The following TLE5 variants were observed in gnomAD, a reference collection of about 807,000 sequenced individuals.
TLE5 encodes the protein TLE family member 5.
Under a neutral mutation model 25.8 loss-of-function variants are expected in TLE5, and 7 were observed. The observed-to-expected ratio is 0.27, with a 90% CI of 0.15 to 0.51. The LOEUF is 0.51. Among genes scored for constraint, TLE5 ranks in the 20% least tolerant of loss-of-function variants. The pLI is 0.97. For missense variants in TLE5, 149 were observed against 250.7 expected (o/e 0.59, Z 2.74); for synonymous variants, 132 against 110.5 (o/e 1.20, Z -1.22).
chr19:3,062,681 C>A, upstream of TLE5: 1 of 1,412,168 alleles, frequency 7.1e-7, no homozygotes. Context: ...GGGCAGCGGC[C>A]CCCGCCACCC....
At chr19:3,055,884 C>G (rs757142027) in intron 4 of TLE5, 158 bp from the exon 5 acceptor site, 1 of 714,040 alleles carries the variant, frequency 1.4e-6, no homozygotes, top group African/African-American at 1.8e-5. Flanking sequence ...CGTGTTCGGG[C>G]CCGAGGGCAG....
chr19:3,060,328 CTTTTTT>C (rs990199468), intron 2 of TLE5, among the ~76,000 whole-genome samples: 21 of 93,196 alleles, frequency 2.3e-4, no homozygotes, highest in South Asian at 6.9e-4. Context: ...TTTTTTCTTT[CTTTTTT>C]TTTTTTTTTT....
At chr19:3,062,881 G>T, upstream of TLE5, 1 of 1,419,464 alleles carries the variant, frequency 7.0e-7, no homozygotes, top group Non-Finnish European at 9.7e-7. Context: ...CTGCAGAAAG[G>T]CAGCGGTAAT....
chr19:3,057,448 G>A (rs2090228952), intron 3 of TLE5: 3 of 550,858 alleles, frequency 5.4e-6, no homozygotes, highest in Admixed American at 6.3e-5. Flanking sequence ...ACCTGGCAGG[G>A]CCGGTCTGCA....
At chr19:3,058,305 C>T (rs921504971) in intron 2 of TLE5, among the ~76,000 whole-genome samples, 1 of 152,160 alleles carries the variant, frequency 6.6e-6, no homozygotes, top group East Asian at 1.9e-4. Flanking sequence ...AGGCCCGCAA[C>T]GTCATTGTCA....
At chr19:3,061,080 C>A (rs2145266315) in intron 2 of TLE5, 80 bp downstream of exon 2, 2 of 1,037,172 alleles carry the variant, frequency 1.9e-6, no homozygotes, top group East Asian at 4.8e-5. Context: ...AATCTCCAGG[C>A]CTCAGCCTTG....
At chr19:3,054,086 T>TCCGGGGGGGCCCCC in intron 6 of TLE5, 34 bp downstream of exon 6, 3 of 1,512,802 alleles carry the variant, frequency 2.0e-6, no homozygotes, top group African/African-American at 1.4e-5. Context: ...GGCCCACCTG[T>TCCGGGGGGGCCCCC]CCCCCGCCCA....
intron 4 of TLE5, 24 bp downstream of exon 4, chr19:3,056,288 A>G: frequency 6.9e-7 from 1 of 1,440,004 alleles, no homozygotes; most frequent in Non-Finnish European, 9.2e-7. Context: ...GAGGAGGAGG[A>G]GGAGGAGGAG....
intron 2 of TLE5, 57 bp from the exon 3 acceptor site, chr19:3,057,799 C>A (rs949726839): frequency 1.3e-6 from 2 of 1,536,562 alleles, no homozygotes. Context: ...GGGAGCCCCC[C>A]ACCCTCCGTT....
At chr19:3,055,448 T>C (rs548732578) in intron 5 of TLE5, 14 of 390,098 alleles carry the variant, frequency 3.6e-5, no homozygotes, top group African/African-American at 2.7e-4. Flanking sequence ...CAGAGCAGGG[T>C]GAGGCCCGCC....
chr19:3,059,089 G>A (rs1185438686), intron 2 of TLE5, among the ~76,000 whole-genome samples: 2 of 152,308 alleles, frequency 1.3e-5, no homozygotes, highest in East Asian at 1.9e-4. Flanking sequence ...TGGATCTTAG[G>A]ATACCCCAGG....
At chr19:3,060,301 T>A (rs1044707460) in intron 2 of TLE5, among the ~76,000 whole-genome samples, 1 of 150,332 alleles carries the variant, frequency 6.7e-6, no homozygotes, top group Non-Finnish European at 1.5e-5. Flanking sequence ...TCATAACATC[T>A]CTGGGCTTAA....
upstream of TLE5, chr19:3,062,546 TG>T: frequency 9.8e-6 from 7 of 712,604 alleles, no homozygotes; most frequent in Non-Finnish European, 1.2e-5. Flanking sequence ...CCGCCGCCCG[TG>T]CCCCGTGCGC....
chr19:3,062,796 A>C, upstream of TLE5: 1 of 1,550,122 alleles, frequency 6.5e-7, no homozygotes, highest in South Asian at 1.2e-5. Flanking sequence ...CACGACCTGG[A>C]CGCGTGCCAC....
chr19:3,055,904 G>A (rs2090213045), intron 4 of TLE5, 178 bp from the exon 5 acceptor site: 3 of 594,720 alleles, frequency 5.0e-6, no homozygotes, highest in Middle Eastern at 4.3e-4. Context: ...GCCAGTCAGT[G>A]GCAAAGGTGG....
intron 2 of TLE5, 161 bp downstream of exon 2, chr19:3,060,999 G>A: frequency 1.8e-6 from 1 of 549,456 alleles, no homozygotes. Context: ...TACAAAATGG[G>A]GCTGTTTAAA....
At position 3,062,489 on chromosome 19, in the gene TLE5, C is replaced by G. The variant is rs925509795; in HGVS notation, c.-289G>C. 4.5e-5 allele frequency: 28 copies of G among 623,400 alleles called. No individual in the cohort carries two copies. In the South Asian group the frequency reaches 1.8e-3, roughly 40 times the overall value. 38.6% of individuals were successfully genotyped at this position (623,400 alleles called of 1,614,324 possible). On this transcript the variant is annotated 5_prime_UTR_variant, in exon 1 of 7. Transcript: ENST00000327141. ...CGCTATTGTCTAATGGCGGCGACGC[C>G]GGCAGTGGCCGCGGCTCGGCTGCTG...
At chr19:3,057,795 C>T (rs991989729) in intron 2 of TLE5, 53 bp from the exon 3 acceptor site, 2 of 1,549,290 alleles carry the variant, frequency 1.3e-6, no homozygotes, top group Non-Finnish European at 1.8e-6. Flanking sequence ...GGGCGGGAGC[C>T]CCCCACCCTC....
chr19:3,060,977 G>A (rs992269482), intron 2 of TLE5, 183 bp downstream of exon 2: 27 of 458,984 alleles, frequency 5.9e-5, no homozygotes, highest in Admixed American at 1.6e-4. Context: ...TTTGTGCCTC[G>A]GTTTTCTCCT....
Sources: gnomAD v4.1 joint callset for allele counts (sites outside exome capture counted in the v4.1 genomes callset) on GRCh38, gnomAD v4.1.1 for gene constraint, MANE v1.5 for transcripts, NCBI Gene and HGNC (gene_info 2026-07-23, HGNC 2026-07-21) for gene names.